The following PNOC variants were observed in gnomAD, a reference collection of about 807,000 sequenced individuals.
PNOC encodes prepronociceptin.
A neutral mutation model predicts 15.6 loss-of-function variants in PNOC; 10 were observed. The observed-to-expected ratio is 0.64, with a 90% CI of 0.40 to 1.09. PNOC has a LOEUF of 1.09. Ranked by LOEUF, PNOC falls within the 50% of genes least tolerant of loss-of-function variation. PNOC has a pLI of 0.01. For missense variants in PNOC, 220 were observed against 223.9 expected, an observed-to-expected ratio of 0.98 and a Z score of 0.11; for synonymous variants, 98 against 88.5, an observed-to-expected ratio of 1.11 and a Z score of -0.60.
intron 1 of PNOC, among the ~76,000 whole-genome samples, chr8:28,328,493 A>G (rs1801262956): frequency 6.7e-6 from 1 of 149,500 alleles, no homozygotes; most frequent in Non-Finnish European, 1.5e-5. Context: ...ATAAGAGGCA[A>G]GTACCTGGAA....
chr8:28,342,091 T>C (rs1801529534), intron 3 of PNOC, among the ~76,000 whole-genome samples: 1 of 152,130 alleles, frequency 6.6e-6, no homozygotes, highest in African/African-American at 2.4e-5. Context: ...ATGCCTATAA[T>C]CCCAGTGCTT....
At chr8:28,337,217 C>T (rs1801425641) in intron 2 of PNOC, among the ~76,000 whole-genome samples, 1 of 152,200 alleles carries the variant, frequency 6.6e-6, no homozygotes, top group Admixed American at 6.5e-5. Context: ...ACATTCCAAA[C>T]AGAAAGTTGG....
intron 3 of PNOC, among the ~76,000 whole-genome samples, chr8:28,342,202 A>T (rs571856426): frequency 6.6e-6 from 1 of 151,832 alleles, no homozygotes; most frequent in Non-Finnish European, 1.5e-5. Context: ...AAAATTAGCC[A>T]CTTAGCCGGG....
At position 28,339,375 on chromosome 8, in the gene PNOC, G is replaced by A. The variant is rs1226247628; in HGVS notation, c.462G>A (p.Arg154=). Residue 154 remains arginine (R), a synonymous_variant, in exon 3 of 4, where the codon AGG becomes AGA. Coordinates refer to ENST00000301908, the MANE Select transcript of PNOC (RefSeq NM_006228.5). ...AGAAGCGGTTCAGTGAGTTTATGAG[G>A]CAATACTTGGTCCTGAGCATGCAGT... is the stretch of plus-strand genomic sequence containing the variant. ...ANQKRFSEFM[R]QYLVLSMQSS... 1 of 1,595,906 alleles carries A rather than the reference G, an allele frequency of 6.3e-7. No homozygotes were observed. Among genetic ancestry groups the A allele is most frequent in the Admixed American group, 1.7e-5 (1 of 58,988 alleles).
chr8:28,327,214 G>A (rs922237264), intron 1 of PNOC, among the ~76,000 whole-genome samples: 1 of 152,154 alleles, frequency 6.6e-6, no homozygotes, highest in Non-Finnish European at 1.5e-5. Flanking sequence ...ACCTAAAGAT[G>A]GTTCTACAGG....
intron 2 of PNOC, among the ~76,000 whole-genome samples, chr8:28,334,519 C>T (rs1801381441): frequency 6.6e-6 from 1 of 151,966 alleles, no homozygotes; most frequent in African/African-American, 2.4e-5. Flanking sequence ...TTCTTTGAGA[C>T]AGTCCCGTTC....
intron 1 of PNOC, among the ~76,000 whole-genome samples, chr8:28,326,910 G>C (rs1323711001): frequency 2.6e-5 from 4 of 152,154 alleles, no homozygotes; most frequent in African/African-American, 9.7e-5. Flanking sequence ...CAGTGGTTCT[G>C]GGGTGAGGCC....
At position 28,334,016 on chromosome 8, in the gene PNOC, G is replaced by T. The variant is rs984158470; in HGVS notation, c.126+4733G>T. Among the ~76,000 whole-genome samples the T allele has an allele frequency of 4.0e-5, 6 of 151,496 alleles. No homozygotes were observed. The South Asian group carries it at 6.2e-4, about 16-fold the overall frequency. On this transcript the variant is annotated intron_variant, in intron 2 of 3. Coordinates refer to ENST00000301908, the MANE Select transcript of PNOC (RefSeq NM_006228.5). ...GGGGTTGTCCTGGGCACTTTAGGAT[G>T]TTTACTGGCATCCCTGGCCTCTAGG...
intron 1 of PNOC, among the ~76,000 whole-genome samples, chr8:28,322,218 G>A (rs1255477961): frequency 8.6e-5 from 13 of 151,576 alleles, no homozygotes; most frequent in African/African-American, 2.9e-4. Flanking sequence ...GTGAAACCCC[G>A]TCTCTACTAA....
At chr8:28,328,988 C>A (rs528025771) in intron 1 of PNOC, 147 bp from the exon 2 acceptor site, 3 of 738,540 alleles carry the variant, frequency 4.1e-6, no homozygotes, top group Non-Finnish European at 6.7e-6. Context: ...AATTTACACC[C>A]CTGCAAAGTG....
intron 2 of PNOC, among the ~76,000 whole-genome samples, chr8:28,337,073 C>G (rs189686156): frequency 1.3e-5 from 2 of 152,272 alleles, no homozygotes; most frequent in South Asian, 2.1e-4. Flanking sequence ...GAGAAGGGAA[C>G]AGCCCAGGGC....
intron 1 of PNOC, among the ~76,000 whole-genome samples, chr8:28,326,662 CCA>C (rs1489600857): frequency 6.6e-6 from 1 of 152,156 alleles, no homozygotes; most frequent in African/African-American, 2.4e-5. Context: ...GAGTTCGAGA[CCA>C]GCTTGGCCAA....
chr8:28,336,971 A>G (rs2645715), intron 2 of PNOC, among the ~76,000 whole-genome samples: 62,853 of 151,554 alleles, frequency 0.41, 14,979 homozygotes, highest in Non-Finnish European at 0.56. Flanking sequence ...AGAAGGACAA[A>G]TATATCAGAT....
chr8:28,332,274 A>C (rs1801341047), intron 2 of PNOC, among the ~76,000 whole-genome samples: 1 of 152,190 alleles, frequency 6.6e-6, no homozygotes, highest in East Asian at 1.9e-4. Context: ...ATCCATTTCC[A>C]AATCTGGCAG....
rs574717451 is a variant in PNOC, at chr8:28,330,732, C to T, written c.126+1449C>T. 7.2e-5 allele frequency among the ~76,000 whole-genome samples: 11 copies of T among 152,014 alleles called. No individual in the cohort carries two copies. The East Asian group carries it at 1.9e-3, about 27-fold the overall frequency. ...TCTTTATTTTTGATATTGCAGATAA[C>T]TCAACAGTGAACCCCTTAGTACCAA... On this transcript the variant is annotated intron_variant, in intron 2 of 3. Transcript: ENST00000301908.
At chr8:28,328,130 C>T (rs1801257591) in intron 1 of PNOC, among the ~76,000 whole-genome samples, 1 of 129,742 alleles carries the variant, frequency 7.7e-6, no homozygotes, top group African/African-American at 2.9e-5. Context: ...TGCAATGGCA[C>T]AATCTCGGCT....
chr8:28,339,238 G>T lies in PNOC; in HGVS notation c.325G>T (p.Glu109Ter). ...AGTCCGGAGCTTGTTCCAGGAGCAG[G>T]AAGAGCCCGAGCCTGGCATGGAGGA... Reference protein sequence around the residue: ...PRVRSLFQEQEEPEPGMEEAG... With the variant: ...PRVRSLFQEQ The change falls in exon 3 of 4, where the codon GAA (glutamate) becomes TAA (stop). Residue 109 changes from glutamate (E) to a stop codon, truncating the protein, a stop_gained. Coordinates refer to ENST00000301908, the MANE Select transcript of PNOC (RefSeq NM_006228.5). LOFTEE classifies it high-confidence loss of function. 1 of 1,611,014 alleles carries T rather than the reference G, an allele frequency of 6.2e-7. No homozygotes were observed. The highest frequency in any genetic ancestry group is 1.1e-5 in the South Asian group (1 of 91,016).
intron 2 of PNOC, among the ~76,000 whole-genome samples, chr8:28,330,560 C>CTTTT (rs34364812): frequency 0.25 from 25,886 of 103,848 alleles, 4,392 homozygotes; most frequent in Non-Finnish European, 0.38. Flanking sequence ...CACCCGGCTA[C>CTTTT]TTTTTTTTTT....
chr8:28,340,560 T>A (rs777101981), intron 3 of PNOC, among the ~76,000 whole-genome samples: 2 of 152,252 alleles, frequency 1.3e-5, no homozygotes, highest in East Asian at 1.9e-4. Flanking sequence ...CAGAGTCCCA[T>A]ACGTCTCCTT....
Sources: gnomAD v4.1 joint callset for allele counts (sites outside exome capture counted in the v4.1 genomes callset) on GRCh38, gnomAD v4.1.1 for gene constraint, MANE v1.5 for transcripts, NCBI Gene and HGNC (gene_info 2026-07-23, HGNC 2026-07-21) for gene names.